MTMR11: variants seen among roughly 807,000 people sequenced by gnomAD.
MTMR11 encodes myotubularin-related protein 11.
In MTMR11, 89 loss-of-function variants were observed where a neutral mutation model predicts 100.0. The ratio of observed to expected loss-of-function variants is 0.89; its 90% confidence interval spans 0.75 to 1.06. MTMR11 has a LOEUF of 1.06. Among genes scored for constraint, MTMR11 ranks in the 50% least tolerant of loss-of-function variants. The probability of loss-of-function intolerance (pLI) is 0.00; values close to 1 mark genes in which losing one functional copy is unlikely to be tolerated. For missense variants in MTMR11, 809 were observed against 873.7 expected (o/e 0.93, Z 0.93); for synonymous variants, 336 against 326.3 (o/e 1.03, Z -0.32).
chr1:149,936,755 G>A lies in MTMR11; in HGVS notation c.-108C>T. The A allele has an allele frequency of 1.3e-6, 1 of 757,890 alleles. No homozygotes were observed. Among genetic ancestry groups the A allele is most frequent in the South Asian group, 1.5e-5 (1 of 66,588 alleles). The allele number at this position is 757,890 out of a possible 1,614,324, so 46.9% of individuals were successfully genotyped here. A position where few individuals can be genotyped will look rare whatever the true frequency, so the allele number is the denominator to read the frequency against. Reference sequence around the variant, plus strand: ...TTGTTGAGAAGAGGGGTGTTAGGGAGAGGGGTAGGGGGTTGGACACAAGGG... The same window carrying A: ...TTGTTGAGAAGAGGGGTGTTAGGGAAAGGGGTAGGGGGTTGGACACAAGGG... On this transcript the variant is annotated 5_prime_UTR_variant, in exon 1 of 17. Coordinates refer to ENST00000439741, the MANE Select transcript of MTMR11 (RefSeq NM_001145862.2).
chr1:149,929,864 C>G lies in MTMR11; in HGVS notation c.1700G>C (p.Gly567Ala). The G allele has an allele frequency of 1.2e-6, 2 of 1,614,164 alleles. No individual in the cohort carries two copies. Among genetic ancestry groups the G allele is most frequent in the Non-Finnish European group, 1.7e-6 (2 of 1,180,018 alleles). The change falls in exon 16 of 17, where the codon GGA becomes GCA. Residue 567 changes from glycine to alanine, a missense_variant. Transcript: ENST00000439741. ...PPSSVWLFSR[G>A]ALTPLNQLCP... ...GAGCTGATTCAGGGGGGTCAATGCT[C>G]CTCTAGAGAAGAGCCACACAGAACT...
chr1:149,934,795 A>G (rs1279505111), intron 5 of MTMR11, among the ~76,000 whole-genome samples, 191 bp downstream of exon 5: 10 of 152,228 alleles, frequency 6.6e-5, no homozygotes, highest in Non-Finnish European at 1.3e-4. Context: ...GGTAATTAAT[A>G]GAGTAAGGCT....
chr1:149,932,878 G>T (rs1359147774), intron 10 of MTMR11, among the ~76,000 whole-genome samples: 3 of 151,786 alleles, frequency 2.0e-5, no homozygotes, highest in African/African-American at 7.3e-5. Flanking sequence ...TTGAACATGG[G>T]AGTTGGAGGT....
Position 149,933,643 on chromosome 1 carries a change from T to A in MTMR11, c.827A>T (p.Tyr276Phe), listed in dbSNP as rs781785865. ...CTCCTTGTTAGGGTCACTGGCTGTA[T>A]AGAAGCCTCCACAGCGGAGAAGATC... ...GSDLLRCGGF[Y>F]TASDPNKEDI... The change falls in exon 9 of 17, where the codon TAT (tyrosine) becomes TTT (phenylalanine). Residue 276 changes from tyrosine to phenylalanine, a missense_variant. Tyr to Phe is a conservative substitution (Grantham distance 22, BLOSUM62 3). Transcript: ENST00000439741. 6.2e-7 allele frequency: 1 copy of A among 1,614,168 alleles called. No homozygotes were observed. The highest frequency in any genetic ancestry group is 8.5e-7 in the Non-Finnish European group (1 of 1,180,010).
chr1:149,936,420 C>T (rs1553769255), intron 1 of MTMR11, 162 bp downstream of exon 1: 9 of 1,437,362 alleles, frequency 6.3e-6, no homozygotes, highest in Non-Finnish European at 8.3e-6. Context: ...AATGAGACAA[C>T]GAACTTGAGA....
rs1450934537 is a variant in MTMR11 at position 149,928,739 on chromosome 1, C to T, written c.*390G>A. ...GAGATAGGGTGTTTCCTGTATCCGC[C>T]TCATTCCCATAGAAAACTATAAGGG... is the stretch of plus-strand genomic sequence containing the variant. On this transcript the variant is annotated 3_prime_UTR_variant, in exon 17 of 17. Coordinates refer to ENST00000439741, the MANE Select transcript of MTMR11 (RefSeq NM_001145862.2). The T allele has an allele frequency of 1.1e-6, 1 of 918,558 alleles. No homozygotes were observed. Among genetic ancestry groups the T allele is most frequent in the Non-Finnish European group, 1.7e-6 (1 of 577,816 alleles). 56.9% of individuals were successfully genotyped at this position (918,558 alleles called of 1,614,324 possible).
chr1:149,931,891 G>C (rs1288343753), intron 12 of MTMR11, 53 bp downstream of exon 12: 3 of 1,502,974 alleles, frequency 2.0e-6, no homozygotes, highest in Non-Finnish European at 2.8e-6. Context: ...AATCTGGTCA[G>C]GTGGGTAAAG....
At position 149,935,281 on chromosome 1, in the gene MTMR11, AACC is replaced by A. The variant is rs782684014; in HGVS notation, c.325+15_325+17del. ...ACAACCCCAGTGAACCCCTTCACCA[AACC>A]CCCCCCCAACTTACCAGCCTCTAAT... On this transcript the variant is annotated intron_variant, in intron 4 of 16. Transcript: ENST00000439741. 3.1e-6 allele frequency: 5 copies of A among 1,591,068 alleles called. No individual in the cohort carries two copies. The African/African-American group carries it at 4.5e-5, about 14-fold the overall frequency.
chr1:149,929,503 A>T (rs2092626318), intron 16 of MTMR11, 120 bp downstream of exon 16: 2 of 1,300,178 alleles, frequency 1.5e-6, no homozygotes, highest in African/African-American at 3.0e-5. Flanking sequence ...TGCCAAGAGG[A>T]GTAGAACTTC....
Position 149,931,262 on chromosome 1 carries a change from C to T in MTMR11, c.1288G>A (p.Glu430Lys). 6.2e-7 allele frequency: 1 copy of T among 1,614,118 alleles called. No homozygotes were observed. Among genetic ancestry groups the T allele is most frequent in the Non-Finnish European group, 8.5e-7 (1 of 1,179,996 alleles). ...ATGCCATCCCGAATCATTCTCACCT[C>T]TTCACTGGCCCCAGTTCCCCCAAGC... The part of the protein sequence containing the change: ...TRLGGTGASE[E>K]APVFLLFLDC... The change falls in exon 13 of 17, where the codon GAG becomes AAG. Residue 430 changes from glutamate to lysine, a missense_variant and splice_region_variant. Glu to Lys is a moderately conservative substitution (Grantham distance 56). Coordinates refer to ENST00000439741, the MANE Select transcript of MTMR11 (RefSeq NM_001145862.2).
Position 149,934,504 on chromosome 1 carries a change from G to C in MTMR11, c.491C>G (p.Ala164Gly). 1 of 1,614,202 alleles carries C rather than the reference G, an allele frequency of 6.2e-7. No individual in the cohort carries two copies. Residue 164 changes from alanine (A) to glycine (G), a missense_variant, in exon 6 of 17, where the codon GCC becomes GGC. Transcript: ENST00000439741. ...TTGGGCTTGATTGCTCTGAGCTCTG[G>C]CTTGGACAATGGCCATGGTCACCTG... is the stretch of plus-strand genomic sequence containing the variant. The part of the protein sequence containing the change: ...AFQVTMAIVQ[A>G]RAQSNQAQQY...
At chr1:149,930,691 C>T in intron 14 of MTMR11, 101 bp downstream of exon 14, 16 of 1,372,882 alleles carry the variant, frequency 1.2e-5, no homozygotes, top group Non-Finnish European at 1.6e-5. Context: ...TCCCCCTCCC[C>T]ACTCACAGAC....
chr1:149,936,442 G>C, intron 1 of MTMR11, 140 bp downstream of exon 1: 1 of 1,381,004 alleles, frequency 7.2e-7, no homozygotes, highest in Non-Finnish European at 9.7e-7. Flanking sequence ...TGAGAAAGAC[G>C]GACCAGGCTC....
rs1047463163 is a variant in MTMR11 at position 149,935,011 on chromosome 1, C to T, written c.443G>A (p.Gly148Glu). Residue 148 changes from glycine (G) to glutamate (E), a missense_variant, in exon 5 of 17, where the codon GGA (glycine) becomes GAA (glutamate). Coordinates refer to ENST00000439741, the MANE Select transcript of MTMR11 (RefSeq NM_001145862.2). ...CTGAAAAGCCTGAGGCTCTAGGCCT[C>T]CAGCCTCAAAACCAACTCTGAGCAG... ...FRLLRVGFEA[G>E]GLEPQAFQVT... 5.6e-6 allele frequency: 9 copies of T among 1,613,830 alleles called. No homozygotes were observed. Among genetic ancestry groups the T allele is most frequent in the Admixed American group, 3.3e-5 (2 of 59,992 alleles).
At position 149,929,859 on chromosome 1, in the gene MTMR11, A is replaced by G. The variant is rs782231249; in HGVS notation, c.1705T>C (p.Leu569=). The G allele has an allele frequency of 6.3e-5, 101 of 1,614,062 alleles. No individual in the cohort carries two copies. In the Admixed American group the frequency reaches 6.7e-4, roughly 11 times the overall value. Residue 569 remains leucine (L), a synonymous_variant, in exon 16 of 17, where the codon TTG becomes CTG. Transcript: ENST00000439741. ...GGACAGAGCTGATTCAGGGGGGTCA[A>G]TGCTCCTCTAGAGAAGAGCCACACA... The part of the protein sequence containing the change: ...SSVWLFSRGA[L]TPLNQLCPWR...
intron 13 of MTMR11, 70 bp downstream of exon 13, chr1:149,931,190 T>C (rs879948606): frequency 2.8e-5 from 45 of 1,597,232 alleles, no homozygotes; most frequent in Admixed American, 6.8e-5. Context: ...CAATGGATTA[T>C]ACAAAATAAT....
At chr1:149,929,376 T>C in intron 16 of MTMR11, 59 bp from the exon 17 acceptor site, 3 of 1,451,038 alleles carry the variant, frequency 2.1e-6, no homozygotes, top group Non-Finnish European at 2.9e-6. Flanking sequence ...GCCCCCTGCT[T>C]CTCTGCTACT....
intron 8 of MTMR11, 45 bp from the exon 9 acceptor site, chr1:149,933,743 C>G: frequency 6.2e-7 from 1 of 1,612,010 alleles, no homozygotes; most frequent in Non-Finnish European, 8.5e-7. Flanking sequence ...AAATGCCTAG[C>G]TCCACGCTAC....
chr1:149,931,599 A>G, intron 12 of MTMR11, 173 bp from the exon 13 acceptor site: 2 of 622,382 alleles, frequency 3.2e-6, no homozygotes, highest in Non-Finnish European at 5.4e-6. Flanking sequence ...ACCTTGAATG[A>G]TTCACTTCCT....
Sources: gnomAD v4.1 joint callset for allele counts (sites outside exome capture counted in the v4.1 genomes callset) on GRCh38, gnomAD v4.1.1 for gene constraint, MANE v1.5 for transcripts, NCBI Gene and HGNC (gene_info 2026-07-23, HGNC 2026-07-21) for gene names.